LRRTM4: variants seen among roughly 807,000 people sequenced by gnomAD.
LRRTM4 encodes leucine rich repeat transmembrane neuronal 4, also known as leucine-rich repeat transmembrane neuronal protein 4.
LRRTM4 carries 25 observed loss-of-function variants against 47.6 expected under a neutral mutation model. That is an observed-to-expected ratio of 0.53 (90% CI 0.38 to 0.73). LRRTM4 has a LOEUF of 0.73. Among genes scored for constraint, LRRTM4 ranks in the 30% least tolerant of loss-of-function variants. The pLI is 0.00. For synonymous variants in LRRTM4, 311 were observed against 269.5 expected, an observed-to-expected ratio of 1.15 and a Z score of -1.51; for missense variants, 638 against 713.4, an observed-to-expected ratio of 0.89 and a Z score of 1.20.
intron 3 of LRRTM4, among the ~76,000 whole-genome samples, chr2:77,209,560 C>T (rs1269082383): frequency 1.3e-5 from 2 of 152,080 alleles, no homozygotes; most frequent in African/African-American, 2.4e-5. Context: ...TAGGTATTAT[C>T]GACAATGTTA....
At chr2:77,353,882 AG>A (rs1671874450) in intron 3 of LRRTM4, among the ~76,000 whole-genome samples, 1 of 152,182 alleles carries the variant, frequency 6.6e-6, no homozygotes, top group Non-Finnish European at 1.5e-5. Context: ...TTCAAGAGCA[AG>A]CCAGTGGTGG....
At chr2:76,769,922 A>C (rs533057774) in intron 3 of LRRTM4, among the ~76,000 whole-genome samples, 1 of 152,338 alleles carries the variant, frequency 6.6e-6, no homozygotes, top group Non-Finnish European at 1.5e-5. Flanking sequence ...CAGCAATAGC[A>C]TCAACTATAA....
chr2:77,510,972 T>C (rs777667860), intron 3 of LRRTM4, among the ~76,000 whole-genome samples: 1 of 152,038 alleles, frequency 6.6e-6, no homozygotes, highest in Non-Finnish European at 1.5e-5. Flanking sequence ...AGAAACAAAA[T>C]GGAAAAAATG....
At chr2:77,467,805 A>G (rs879632281) in intron 3 of LRRTM4, among the ~76,000 whole-genome samples, 29 of 152,200 alleles carry the variant, frequency 1.9e-4, no homozygotes, top group Non-Finnish European at 3.1e-4. Flanking sequence ...GGAAAATGAC[A>G]AGATCTTTAG....
intron 3 of LRRTM4, among the ~76,000 whole-genome samples, chr2:77,206,179 A>ATTT (rs35378906): frequency 2.4e-5 from 3 of 126,930 alleles, no homozygotes; most frequent in East Asian, 2.4e-4. Flanking sequence ...TCAAAATTCT[A>ATTT]TTTTTTTTTT....
In LRRTM4 at chr2:77,042,938, A is replaced by T. The variant is rs574025773; in HGVS notation, c.1552-294022T>A. Among the ~76,000 whole-genome samples, 9 of 151,160 alleles carry T rather than the reference A, an allele frequency of 6.0e-5. No individual in the cohort carries two copies. The East Asian group carries it at 1.8e-3, about 30-fold the overall frequency. ...ACAAAGGGATTAAAGCTCAATCTAG[A>T]GTTATCAGGGTGAAGAGTTGGGGGT... On this transcript the variant is annotated intron_variant, in intron 3 of 3. Coordinates refer to ENST00000409884, the MANE Select transcript of LRRTM4 (RefSeq NM_001134745.3).
At chr2:76,788,708 C>G (rs1246008218) in intron 3 of LRRTM4, among the ~76,000 whole-genome samples, 2 of 152,046 alleles carry the variant, frequency 1.3e-5, no homozygotes, top group Non-Finnish European at 2.9e-5. Context: ...TGTTCAGTGT[C>G]CTTTTATATC....
At chr2:76,781,961 TA>T in intron 3 of LRRTM4, among the ~76,000 whole-genome samples, 1 of 152,346 alleles carries the variant, frequency 6.6e-6, no homozygotes, top group Non-Finnish European at 1.5e-5. Flanking sequence ...GACATTTTTT[TA>T]AAGCCAAACC....
At chr2:77,362,197 T>C (rs889246134) in intron 3 of LRRTM4, among the ~76,000 whole-genome samples, 1 of 137,174 alleles carries the variant, frequency 7.3e-6, no homozygotes, top group Non-Finnish European at 1.5e-5. Context: ...GTTCTTAATG[T>C]CCTGAAAGAG....
intron 3 of LRRTM4, among the ~76,000 whole-genome samples, chr2:76,950,572 C>T (rs929199979): frequency 1.3e-5 from 2 of 151,902 alleles, no homozygotes; most frequent in Admixed American, 6.6e-5. Context: ...TGAATACTCA[C>T]TCATCTGCTT....
chr2:76,951,952 G>C (rs1220228698), intron 3 of LRRTM4, among the ~76,000 whole-genome samples: 1 of 151,886 alleles, frequency 6.6e-6, no homozygotes, highest in Non-Finnish European at 1.5e-5. Context: ...CCTTGCAAAG[G>C]ACATGAGATC....
At position 77,205,038 on chromosome 2, in the gene LRRTM4, T is replaced by A. The variant is rs2103907910; in HGVS notation, c.1551+313280A>T. Among the ~76,000 whole-genome samples, 2 of 152,338 alleles carry A rather than the reference T, an allele frequency of 1.3e-5. 1 individual carries two copies. The highest frequency in any genetic ancestry group is 6.8e-3 in the Middle Eastern group (2 of 294). On this transcript the variant is annotated intron_variant, in intron 3 of 3. Coordinates refer to ENST00000409884, the MANE Select transcript of LRRTM4 (RefSeq NM_001134745.3). ...TTAATTTGAAAGATTTATAACTCCC[T>A]ATTTTTGGAAATCATAAGTGTGATT...
At chr2:77,037,804 T>C (rs1678888829) in intron 3 of LRRTM4, among the ~76,000 whole-genome samples, 1 of 151,740 alleles carries the variant, frequency 6.6e-6, no homozygotes, top group South Asian at 2.1e-4. Context: ...CAAATGATAA[T>C]AGATTGCAAG....
At chr2:76,854,812 C>CTT (rs66549743) in intron 3 of LRRTM4, among the ~76,000 whole-genome samples, 24,073 of 143,874 alleles carry the variant, frequency 0.17, 2,145 homozygotes, top group Admixed American at 0.23. Flanking sequence ...AAAGAAAATC[C>CTT]TTTTTTTTTT....
At chr2:77,506,233 G>T (rs534387896) in intron 3 of LRRTM4, among the ~76,000 whole-genome samples, 2 of 151,522 alleles carry the variant, frequency 1.3e-5, no homozygotes, top group South Asian at 4.2e-4. Context: ...TAATATTTTA[G>T]CAGGAAAAAA....
At chr2:77,340,453 T>A (rs1291266778) in intron 3 of LRRTM4, among the ~76,000 whole-genome samples, 1 of 152,036 alleles carries the variant, frequency 6.6e-6, no homozygotes, top group African/African-American at 2.4e-5. Flanking sequence ...CGTGGTACAG[T>A]GTAAGTTCTT....
intron 3 of LRRTM4, among the ~76,000 whole-genome samples, chr2:76,868,786 G>A (rs567414302): frequency 1.0e-3 from 154 of 152,236 alleles, no homozygotes; most frequent in South Asian, 2.3e-3. Flanking sequence ...GAAAGAACAT[G>A]AAGTCGATCT....
At chr2:76,753,439 T>A (rs1672918428) in intron 3 of LRRTM4, among the ~76,000 whole-genome samples, 1 of 152,194 alleles carries the variant, frequency 6.6e-6, no homozygotes, top group Non-Finnish European at 1.5e-5. Context: ...GATTGGCTCA[T>A]TAACAAGCCC....
chr2:77,025,908 T>C (rs1678437465), intron 3 of LRRTM4, among the ~76,000 whole-genome samples: 1 of 152,168 alleles, frequency 6.6e-6, no homozygotes, highest in South Asian at 2.1e-4. Flanking sequence ...TTGAAGTCAA[T>C]GACCGCTCCT....
Sources: gnomAD v4.1 joint callset for allele counts (sites outside exome capture counted in the v4.1 genomes callset) on GRCh38, gnomAD v4.1.1 for gene constraint, MANE v1.5 for transcripts, NCBI Gene and HGNC (gene_info 2026-07-23, HGNC 2026-07-21) for gene names.